ACSL3: variants seen among roughly 807,000 people sequenced by gnomAD.
ACSL3 encodes acyl-CoA synthetase long chain family member 3.
Under a neutral mutation model 84.7 loss-of-function variants are expected in ACSL3, and 34 were observed. The ratio of observed to expected loss-of-function variants is 0.40; its 90% CI spans 0.31 to 0.53. ACSL3 has a LOEUF of 0.53. Ranked by LOEUF, ACSL3 falls within the 20% of genes least tolerant of loss-of-function variation. ACSL3 has a pLI of 0.48. For missense variants in ACSL3, 680 were observed against 873.1 expected, an observed-to-expected ratio of 0.78 and a Z score of 2.79; for synonymous variants, 315 against 299.4, an observed-to-expected ratio of 1.05 and a Z score of -0.54.
chr2:222,863,850 T>A (rs1373140287), intron 1 of ACSL3, among the ~76,000 whole-genome samples: 1 of 152,228 alleles, frequency 6.6e-6, no homozygotes, highest in Non-Finnish European at 1.5e-5. Flanking sequence ...ATTTACTTAA[T>A]GGCCATCTGC....
intron 16 of ACSL3, among the ~76,000 whole-genome samples, chr2:222,936,909 T>C (rs1697186373): frequency 6.6e-6 from 1 of 151,950 alleles, no homozygotes; most frequent in Admixed American, 6.6e-5. Context: ...AACCATCAGA[T>C]CTTGTGAGGT....
chr2:222,880,215 A>G (rs145148201), intron 1 of ACSL3, among the ~76,000 whole-genome samples: 76 of 152,362 alleles, frequency 5.0e-4, no homozygotes, highest in African/African-American at 1.8e-3. Flanking sequence ...TCTTCTAGAT[A>G]AATGTTAGAA....
At position 222,943,161 on chromosome 2, in the gene ACSL3, C is replaced by CAGGA. The variant is rs1442971523; in HGVS notation, c.*1508_*1511dup. ...AAGTAAGGGGAGTGTTAGGAGCAGC[C>CAGGA]AGGACTGTGTAGTGTGTGTTTGGTT... On this transcript the variant is annotated 3_prime_UTR_variant, in exon 17 of 17. Coordinates refer to ENST00000357430, the MANE Select transcript of ACSL3 (RefSeq NM_004457.5). 1 of 226,330 alleles carries CAGGA rather than the reference C, an allele frequency of 4.4e-6. No individual in the cohort carries two copies. The highest frequency in any genetic ancestry group is 8.8e-6 in the Non-Finnish European group (1 of 113,992). 14.0% of individuals were successfully genotyped at this position (226,330 alleles called of 1,614,324 possible).
At chr2:222,911,149 A>G (rs1468872210) in intron 4 of ACSL3, among the ~76,000 whole-genome samples, 1 of 151,420 alleles carries the variant, frequency 6.6e-6, no homozygotes, top group Non-Finnish European at 1.5e-5. Flanking sequence ...TTCTGGGTTC[A>G]AGTGATTGTC....
chr2:222,898,285 G>C (rs539560085), intron 2 of ACSL3, among the ~76,000 whole-genome samples: 2 of 152,226 alleles, frequency 1.3e-5, no homozygotes, highest in Admixed American at 6.5e-5. Context: ...ATACAGAAAT[G>C]TTAACTCCTC....
intron 16 of ACSL3, among the ~76,000 whole-genome samples, chr2:222,940,475 CTTTTT>C (rs543017870): frequency 2.4e-5 from 3 of 122,630 alleles, no homozygotes; most frequent in Admixed American, 8.2e-5. Context: ...TGGAACTTGT[CTTTTT>C]TTTTTTTTTT....
chr2:222,917,709 C>T (rs1696621771), intron 5 of ACSL3: 1 of 165,386 alleles, frequency 6.0e-6, no homozygotes, highest in Non-Finnish European at 1.3e-5. Flanking sequence ...CATTGTAAAG[C>T]CAAGTGGCCA....
rs116339913 is a variant in ACSL3 at position 222,870,947 on chromosome 2, A to T, written c.-207+9689A>T. Among the ~76,000 whole-genome samples, 385 of 152,270 alleles carry T rather than the reference A, an allele frequency of 2.5e-3. 5 individuals carry two copies. The highest frequency in any genetic ancestry group is 8.7e-3 in the African/African-American group (361 of 41,552). On this transcript the variant is annotated intron_variant, in intron 1 of 16. Transcript: ENST00000357430. ...CGGGTTATAAGGGAGTGGCAACGTC[A>T]CACTGGCAACATGAATGAAGGATGC...
At chr2:222,928,840 CT>C in intron 12 of ACSL3, 21 bp from the exon 13 acceptor site, 3 of 1,598,098 alleles carry the variant, frequency 1.9e-6, no homozygotes, top group East Asian at 2.2e-5. Context: ...CTCAAATATC[CT>C]TTTTTTCATT....
At chr2:222,874,147 C>T (rs967326498) in intron 1 of ACSL3, among the ~76,000 whole-genome samples, 4 of 152,104 alleles carry the variant, frequency 2.6e-5, no homozygotes, top group South Asian at 2.1e-4. Context: ...CTCAGCCTCC[C>T]GAGTAGCTGG....
chr2:222,940,116 TTTCCTTTCTTCCC>T (rs1194803280), intron 16 of ACSL3, among the ~76,000 whole-genome samples: 1 of 152,232 alleles, frequency 6.6e-6, no homozygotes, highest in African/African-American at 2.4e-5. Context: ...CTTTAAATGT[TTTCCTTTCTTCCC>T]TTCCTTTCTC....
rs77518884 is a variant in ACSL3 at position 222,939,168 on chromosome 2, A to C, written c.2006-2329A>C. ...ATCTTTTGATAGCCTGTGTTTTTCT[A>C]TTTCTTTGTATGTCTTTATTTTTGT... On this transcript the variant is annotated intron_variant, in intron 16 of 16. Transcript: ENST00000357430. 2.2e-3 allele frequency among the ~76,000 whole-genome samples: 329 copies of C among 151,364 alleles called. 5 individuals carry two copies. In the East Asian group the frequency reaches 0.058, roughly 27 times the overall value.
intron 1 of ACSL3, among the ~76,000 whole-genome samples, chr2:222,867,548 C>G (rs1315421732): frequency 6.6e-6 from 1 of 152,066 alleles, no homozygotes. Flanking sequence ...TATTTTATCC[C>G]CACTCAAAAT....
chr2:222,862,295 G>A (rs372652521), intron 1 of ACSL3, among the ~76,000 whole-genome samples: 4 of 152,188 alleles, frequency 2.6e-5, no homozygotes, highest in African/African-American at 7.2e-5. Flanking sequence ...GCTTGCCTCA[G>A]ATCTCAGCTA....
chr2:222,902,068 C>T (rs549905737), intron 3 of ACSL3, among the ~76,000 whole-genome samples: 8 of 151,012 alleles, frequency 5.3e-5, no homozygotes, highest in Non-Finnish European at 8.8e-5. Flanking sequence ...TAAATACATG[C>T]GTGTAAATAT....
Position 222,942,395 on chromosome 2 carries a change from A to G in ACSL3, c.*741A>G, listed in dbSNP as rs191179323. ...TAGCACCAGTTGATAATTGGTCTCT[A>G]GTAGCTTACTGTCAAAATGTTCAAT... On this transcript the variant is annotated 3_prime_UTR_variant, in exon 17 of 17. Transcript: ENST00000357430. 3 of 191,678 alleles carry G rather than the reference A, an allele frequency of 1.6e-5. No homozygotes were observed. Among genetic ancestry groups the G allele is most frequent in the Admixed American group, 6.1e-5 (1 of 16,328 alleles). 11.9% of individuals were successfully genotyped at this position (191,678 alleles called of 1,614,324 possible). A position where few individuals can be genotyped will look rare whatever the true frequency, so the allele number is the denominator to read the frequency against.
intron 10 of ACSL3, among the ~76,000 whole-genome samples, chr2:222,923,846 C>T (rs1164028992): frequency 6.6e-6 from 1 of 152,082 alleles, no homozygotes; most frequent in Non-Finnish European, 1.5e-5. Flanking sequence ...TCTTAGTTCA[C>T]TTAAAAATGA....
chr2:222,885,018 A>G (rs923859022), intron 1 of ACSL3, among the ~76,000 whole-genome samples: 2 of 152,146 alleles, frequency 1.3e-5, no homozygotes, highest in Non-Finnish European at 2.9e-5. Flanking sequence ...GTCAGGCTCT[A>G]CCACTGACTA....
chr2:222,921,508 A>G (rs1696738175), intron 8 of ACSL3, 78 bp downstream of exon 8: 4 of 1,382,638 alleles, frequency 2.9e-6, no homozygotes, highest in South Asian at 3.5e-5. Context: ...CATTTTATTA[A>G]TATATGGCTA....
Sources: allele counts gnomAD v4.1 joint callset (sites outside exome capture counted in the v4.1 genomes callset), GRCh38; gene constraint gnomAD v4.1.1; transcripts MANE v1.5; gene names NCBI Gene and HGNC (gene_info 2026-07-23, HGNC 2026-07-21).